The following KLHL18 variants were observed in gnomAD, a reference collection of about 807,000 sequenced individuals.
KLHL18 encodes kelch like family member 18.
In KLHL18, 38 loss-of-function variants were observed where a neutral mutation model predicts 58.5. That is an observed-to-expected ratio of 0.65 (90% CI 0.50 to 0.85). KLHL18 has a LOEUF of 0.85. Ranked by LOEUF, KLHL18 falls within the 40% of genes least tolerant of loss-of-function variation. The probability of loss-of-function intolerance (pLI) is 0.00; values close to 1 mark genes in which losing one functional copy is unlikely to be tolerated. For missense variants in KLHL18, 624 were observed against 778.4 expected (o/e 0.80, Z 2.36); for synonymous variants, 303 against 301.9 (o/e 1.00, Z -0.04).
intron 7 of KLHL18, 85 bp from the exon 8 acceptor site, chr3:47,340,487 T>G: frequency 6.3e-7 from 1 of 1,595,858 alleles, no homozygotes; most frequent in Non-Finnish European, 8.6e-7. Context: ...AAAGAGGCAA[T>G]TGATAGGTTT....
At chr3:47,299,854 AAGAT>A (rs1702975794) in intron 1 of KLHL18, among the ~76,000 whole-genome samples, 4 of 139,450 alleles carry the variant, frequency 2.9e-5, no homozygotes, top group Non-Finnish European at 6.3e-5. Context: ...AAAAAAAAAA[AAGAT>A]TGCAAGATAA....
intron 8 of KLHL18, among the ~76,000 whole-genome samples, chr3:47,341,895 T>TA (rs1704115779): frequency 9.8e-6 from 1 of 102,120 alleles, no homozygotes; most frequent in South Asian, 3.4e-4. Context: ...CCTGTCTCTT[T>TA]TAAAAAAAAA....
intron 1 of KLHL18, among the ~76,000 whole-genome samples, chr3:47,302,697 T>C (rs1345295490): frequency 6.6e-6 from 1 of 152,186 alleles, no homozygotes; most frequent in East Asian, 1.9e-4. Flanking sequence ...GCCGGTGTCG[T>C]TCAAGGATCA....
intron 1 of KLHL18, among the ~76,000 whole-genome samples, chr3:47,317,515 C>T (rs1480989437): frequency 6.6e-6 from 1 of 152,084 alleles, no homozygotes; most frequent in East Asian, 1.9e-4. Context: ...ACAGAATTCC[C>T]AGGAAGAGTT....
chr3:47,342,056 A>G (rs2107666339), intron 8 of KLHL18, among the ~76,000 whole-genome samples: 1 of 152,250 alleles, frequency 6.6e-6, no homozygotes, highest in South Asian at 2.1e-4. Context: ...ACTGCATTCC[A>G]GCCTGGGTGA....
intron 1 of KLHL18, among the ~76,000 whole-genome samples, chr3:47,309,175 C>T (rs1434000334): frequency 1.3e-5 from 2 of 152,256 alleles, no homozygotes; most frequent in Non-Finnish European, 1.5e-5. Context: ...CTTCTTTCTA[C>T]ACAGACACAG....
rs1430338420 is a variant in KLHL18, at chr3:47,334,437, C to T, written c.762-246C>T. Among the ~76,000 whole-genome samples, 2 of 151,750 alleles carry T rather than the reference C, an allele frequency of 1.3e-5. No individual in the cohort carries two copies. The highest frequency in any genetic ancestry group is 6.6e-5 in the Admixed American group (1 of 15,234). The stretch of plus-strand genomic sequence containing the variant: ...CCATTTTGGCCACTACCTTGTTTTT[C>T]TCATGCCTAATCTACACTAGCTGAG... On this transcript the variant is annotated intron_variant, in intron 5 of 9. Transcript: ENST00000232766. This position sits in a 1 kb window ranked among gnomAD's most constrained non-coding sequence, Gnocchi z 4.7.
At position 47,283,024 on chromosome 3, in the gene KLHL18, T is replaced by G; in HGVS notation, c.59T>G (p.Leu20Trp). 6.2e-7 allele frequency: 1 copy of G among 1,608,394 alleles called. No homozygotes were observed. The highest frequency in any genetic ancestry group is 1.1e-5 in the South Asian group (1 of 89,776). Reference protein sequence around the residue: ...EDLVHFSVSELPSRGYGVMEE... With the variant: ...EDLVHFSVSEWPSRGYGVMEE... ...CTGGTGCACTTCTCCGTGTCTGAGT[T>G]GCCTAGTCGCGGCTACGGCGTCATG... is the stretch of plus-strand genomic sequence containing the variant. The change falls in exon 1 of 10, where the codon TTG becomes TGG. Residue 20 changes from leucine to tryptophan, a missense_variant. Transcript: ENST00000232766.
chr3:47,298,804 C>A (rs531937774), intron 1 of KLHL18, among the ~76,000 whole-genome samples: 1 of 152,140 alleles, frequency 6.6e-6, no homozygotes, highest in African/African-American at 2.4e-5. Flanking sequence ...TCGTAGAGTT[C>A]GTGACCTTTT....
intron 4 of KLHL18, among the ~76,000 whole-genome samples, 181 bp downstream of exon 4, chr3:47,330,330 T>A (rs545525449): frequency 4.6e-5 from 7 of 152,346 alleles, no homozygotes; most frequent in Admixed American, 4.6e-4. Context: ...GTTTTATTTA[T>A]TTTTTTGAGA....
intron 1 of KLHL18, among the ~76,000 whole-genome samples, chr3:47,289,668 C>T (rs1433988258): frequency 6.6e-6 from 1 of 152,164 alleles, no homozygotes; most frequent in Admixed American, 6.5e-5. Flanking sequence ...TCTGTAATCT[C>T]AGCACTTTGG....
chr3:47,334,965 T>TG lies in KLHL18; in HGVS notation c.898+146_898+147insG. On this transcript the variant is annotated intron_variant, in intron 6 of 9. Coordinates refer to ENST00000232766, the MANE Select transcript of KLHL18 (RefSeq NM_025010.5). The surrounding 1 kb of genome is among the most constrained non-coding windows in gnomAD (Gnocchi z 4.7). Reference sequence around the variant, plus strand: ...TTGATTTTATACAATTGCTCTACAGTTAGAGCATGTCACATATTCATGCCA... The same window carrying TG: ...TTGATTTTATACAATTGCTCTACAGTGTAGAGCATGTCACATATTCATGCCA... The TG allele has an allele frequency of 3.1e-5, 24 of 780,598 alleles. No homozygotes were observed. Among genetic ancestry groups the TG allele is most frequent in the East Asian group, 5.4e-5 (2 of 36,716 alleles). The allele number at this position is 780,598 out of a possible 1,614,324, so 48.4% of individuals were successfully genotyped here.
chr3:47,319,872 CA>C, intron 2 of KLHL18, 89 bp downstream of exon 2: 2 of 1,360,784 alleles, frequency 1.5e-6, no homozygotes, highest in Non-Finnish European at 2.1e-6. Flanking sequence ...TGCAGCAGGA[CA>C]CAGTGTCTAA....
chr3:47,336,912 G>A (rs1471596842), intron 7 of KLHL18, 155 bp downstream of exon 7: 8 of 639,822 alleles, frequency 1.3e-5, no homozygotes, highest in Admixed American at 2.8e-5. Flanking sequence ...TCCTGGGAGC[G>A]AGCCCCCATC....
chr3:47,308,246 A>T (rs1703195177), intron 1 of KLHL18, among the ~76,000 whole-genome samples: 1 of 148,146 alleles, frequency 6.8e-6, no homozygotes, highest in Non-Finnish European at 1.5e-5. Flanking sequence ...GCAGGCATTT[A>T]TTTTTTTAAA....
At chr3:47,341,015 GA>G (rs1005626809) in intron 8 of KLHL18, among the ~76,000 whole-genome samples, 14 of 147,166 alleles carry the variant, frequency 9.5e-5, no homozygotes, top group Admixed American at 2.7e-4. Flanking sequence ...ATATGATTTG[GA>G]AAAAAAAAAA....
intron 1 of KLHL18, among the ~76,000 whole-genome samples, chr3:47,291,968 C>T (rs553593539): frequency 2.6e-5 from 4 of 152,334 alleles, no homozygotes; most frequent in South Asian, 2.1e-4. Context: ...ACACCATGCT[C>T]CCATTCTGTC....
chr3:47,284,976 G>A (rs1297587430), intron 1 of KLHL18, among the ~76,000 whole-genome samples: 2 of 151,910 alleles, frequency 1.3e-5, no homozygotes, highest in Non-Finnish European at 2.9e-5. Context: ...CCGCCACCAC[G>A]CCCGGCTAAT....
intron 8 of KLHL18, among the ~76,000 whole-genome samples, chr3:47,341,895 TTA>T (rs1491372865): frequency 3.3e-4 from 34 of 102,120 alleles, no homozygotes; most frequent in African/African-American, 5.6e-4. Context: ...CCTGTCTCTT[TTA>T]AAAAAAAAAA....
Sources: allele counts gnomAD v4.1 joint callset (sites outside exome capture counted in the v4.1 genomes callset), GRCh38; gene constraint gnomAD v4.1.1; non-coding constraint Gnocchi (gnomAD v3.1); transcripts MANE v1.5; gene names NCBI Gene and HGNC (gene_info 2026-07-23, HGNC 2026-07-21).